The following SHISA6 variants were observed in gnomAD, a reference collection of about 807,000 sequenced individuals.
The protein encoded by SHISA6 is shisa family member 6, also known as protein shisa-6.
In SHISA6, 22 loss-of-function variants were observed where a neutral mutation model predicts 47.9. That is an observed-to-expected ratio of 0.46 (90% CI 0.33 to 0.66). The LOEUF is 0.66. SHISA6 is among the 30% of genes least tolerant of loss of function. The pLI is 0.02. For synonymous variants in SHISA6, 388 were observed against 337.8 expected (o/e 1.15, Z -1.63); for missense variants, 680 against 764.6 (o/e 0.89, Z 1.30).
At chr17:11,543,070 T>A (rs2071847260) in intron 3 of SHISA6, among the ~76,000 whole-genome samples, 1 of 152,026 alleles carries the variant, frequency 6.6e-6, no homozygotes. Context: ...AATTTAAAAT[T>A]TCATTATCAA....
intron 2 of SHISA6, among the ~76,000 whole-genome samples, chr17:11,331,139 C>T (rs528426265): frequency 6.6e-6 from 1 of 152,114 alleles, no homozygotes; most frequent in African/African-American, 2.4e-5. Context: ...GGCCTCTCCA[C>T]GGGATGTGGA....
intron 3 of SHISA6, among the ~76,000 whole-genome samples, chr17:11,395,939 G>A (rs1458706388): frequency 1.3e-5 from 2 of 152,158 alleles, no homozygotes; most frequent in African/African-American, 4.8e-5. Flanking sequence ...GATGTTAGTG[G>A]AAATCCCTCC....
intron 3 of SHISA6, among the ~76,000 whole-genome samples, chr17:11,423,767 A>C (rs1914527326): frequency 6.6e-6 from 1 of 152,166 alleles, no homozygotes; most frequent in Admixed American, 6.5e-5. Context: ...AAGTGTATTT[A>C]AAATTGTTGA....
chr17:11,242,319 A>G (rs938331344), intron 1 of SHISA6, among the ~76,000 whole-genome samples: 1 of 152,198 alleles, frequency 6.6e-6, no homozygotes, highest in Non-Finnish European at 1.5e-5. Flanking sequence ...TGAAGTTCCA[A>G]GTGTAAGAAT....
chr17:11,311,716 A>T (rs777424408), intron 2 of SHISA6, among the ~76,000 whole-genome samples: 1 of 152,096 alleles, frequency 6.6e-6, no homozygotes. Context: ...ATTGTTAATT[A>T]TATTTTCTTT....
At chr17:11,502,036 GAGAA>G (rs2071457842) in intron 3 of SHISA6, among the ~76,000 whole-genome samples, 1 of 152,118 alleles carries the variant, frequency 6.6e-6, no homozygotes, top group African/African-American at 2.4e-5. Context: ...TAGGAACAAA[GAGAA>G]AGGCTGAAAT....
chr17:11,427,191 T>A (rs1008047974), intron 3 of SHISA6, among the ~76,000 whole-genome samples: 1 of 152,138 alleles, frequency 6.6e-6, no homozygotes, highest in Non-Finnish European at 1.5e-5. Flanking sequence ...TGGAGTGCAG[T>A]GGCATAGTCT....
chr17:11,251,245 C>G (rs1907789985), intron 1 of SHISA6, among the ~76,000 whole-genome samples: 1 of 7,800 alleles, frequency 1.3e-4, no homozygotes, highest in African/African-American at 1.4e-4. Flanking sequence ...GATAAGTGAC[C>G]TACCTATGAG....
At chr17:11,377,201 A>G (rs1174687348) in intron 2 of SHISA6, among the ~76,000 whole-genome samples, 1 of 152,148 alleles carries the variant, frequency 6.6e-6, no homozygotes, top group East Asian at 1.9e-4. Flanking sequence ...CTGCCTCATT[A>G]TGCCCCAGCA....
chr17:11,516,385 G>T (rs761010561), intron 3 of SHISA6, among the ~76,000 whole-genome samples: 2 of 152,102 alleles, frequency 1.3e-5, no homozygotes, highest in Non-Finnish European at 2.9e-5. Flanking sequence ...ACCAGAGTAG[G>T]GGCCCTTGAC....
chr17:11,471,647 G>A (rs1342547440), intron 3 of SHISA6, among the ~76,000 whole-genome samples: 2 of 152,184 alleles, frequency 1.3e-5, no homozygotes, highest in Admixed American at 6.5e-5. Flanking sequence ...ACTACAGTCA[G>A]TAATCAACTT....
chr17:11,331,309 A>G (rs896171208), intron 2 of SHISA6, among the ~76,000 whole-genome samples: 36 of 152,202 alleles, frequency 2.4e-4, no homozygotes, highest in African/African-American at 7.5e-4. Flanking sequence ...AAGAGACAAC[A>G]AACAGCATTT....
chr17:11,472,844 A>T (rs1263896308), intron 3 of SHISA6, among the ~76,000 whole-genome samples: 1 of 152,176 alleles, frequency 6.6e-6, no homozygotes, highest in Non-Finnish European at 1.5e-5. Context: ...TGGTGCTGTC[A>T]CTGTTCCAGA....
intron 1 of SHISA6, 24 bp from the exon 2 acceptor site, chr17:11,263,342 T>C: frequency 6.4e-7 from 1 of 1,551,340 alleles, no homozygotes; most frequent in Non-Finnish European, 8.7e-7. Context: ...GTGAATCTCA[T>C]TATGTGATCT....
intron 2 of SHISA6, among the ~76,000 whole-genome samples, chr17:11,333,486 T>C (rs1165478090): frequency 2.0e-5 from 3 of 152,120 alleles, no homozygotes; most frequent in Non-Finnish European, 4.4e-5. Context: ...GAAAACTCTA[T>C]GTTCTTCTTC....
chr17:11,363,863 G>T (rs1481553504), intron 2 of SHISA6, among the ~76,000 whole-genome samples: 1 of 152,148 alleles, frequency 6.6e-6, no homozygotes, highest in East Asian at 1.9e-4. Flanking sequence ...TGAGTAGCTT[G>T]CCCCTTAATT....
At chr17:11,333,367 G>A (rs1367512901) in intron 2 of SHISA6, among the ~76,000 whole-genome samples, 1 of 152,176 alleles carries the variant, frequency 6.6e-6, no homozygotes, top group African/African-American at 2.4e-5. Context: ...GCAGTTGCCA[G>A]AAAGGCAAAG....
At chr17:11,515,366 G>GGAAGGAAGGTAGGT (rs1567626495) in intron 3 of SHISA6, among the ~76,000 whole-genome samples, 8 of 127,688 alleles carry the variant, frequency 6.3e-5, no homozygotes, top group African/African-American at 2.2e-4. Flanking sequence ...GGAAGGAAGG[G>GGAAGGAAGGTAGGT]AGAGAAAATG....
intron 3 of SHISA6, among the ~76,000 whole-genome samples, chr17:11,454,281 G>A (rs1915476722): frequency 6.6e-6 from 1 of 152,090 alleles, no homozygotes; most frequent in African/African-American, 2.4e-5. Flanking sequence ...TCCTTGAAGT[G>A]AGTCACCGTT....
Sources: gnomAD v4.1 joint callset for allele counts (sites outside exome capture counted in the v4.1 genomes callset) on GRCh38, gnomAD v4.1.1 for gene constraint, MANE v1.5 for transcripts, NCBI Gene and HGNC (gene_info 2026-07-23, HGNC 2026-07-21) for gene names.